Variants in RANBP2 observed in about 807,000 individuals in gnomAD.
RANBP2 encodes RAN binding protein 2, also known as E3 SUMO-protein ligase RanBP2.
RANBP2 carries 57 observed loss-of-function variants against 303.6 expected under a neutral mutation model. That is an observed-to-expected ratio of 0.19 (90% CI 0.15 to 0.23). The LOEUF is 0.23. Ranked by LOEUF, RANBP2 falls within the 10% of genes least tolerant of loss-of-function variation. RANBP2 has a pLI of 1.00. For synonymous variants in RANBP2, 1,167 were observed against 1,301.5 expected, an observed-to-expected ratio of 0.90 and a Z score of 2.23; for missense variants, 3,138 against 3,780.8, an observed-to-expected ratio of 0.83 and a Z score of 4.46.
chr2:108,904,161 T>C, the RANBP2 span, among the ~76,000 whole-genome samples: 1 of 151,784 alleles, frequency 6.6e-6, no homozygotes, highest in East Asian at 1.9e-4. Context: ...GCAAAAGACA[T>C]GAAGAAACAT....
chr2:109,000,489 C>T, the RANBP2 span, among the ~76,000 whole-genome samples: 1 of 152,050 alleles, frequency 6.6e-6, no homozygotes, highest in African/African-American at 2.4e-5. Context: ...GCTATGGTCA[C>T]GCCACTGCAC....
the RANBP2 span, among the ~76,000 whole-genome samples, chr2:109,055,759 A>AT: frequency 0.02 from 2,151 of 105,196 alleles, 47 homozygotes; most frequent in South Asian, 0.044. Flanking sequence ...CAGCTCTAAC[A>AT]TTTTTTTTTT....
chr2:109,300,718 T>G, the RANBP2 span, among the ~76,000 whole-genome samples: 1 of 152,190 alleles, frequency 6.6e-6, no homozygotes, highest in African/African-American at 2.4e-5. Context: ...AACATCAGAC[T>G]GAGCACACTC....
the RANBP2 span, among the ~76,000 whole-genome samples, chr2:108,831,585 A>G: frequency 1.3e-5 from 2 of 152,176 alleles, no homozygotes; most frequent in Admixed American, 1.3e-4. Flanking sequence ...TATCTAAGAG[A>G]AACTTGACTT....
chr2:109,230,114 G>A, the RANBP2 span, among the ~76,000 whole-genome samples: 179 of 152,008 alleles, frequency 1.2e-3, no homozygotes, highest in African/African-American at 4.0e-3. Flanking sequence ...GCGAGCCACC[G>A]CACCTGGCCG....
intron 5 of RANBP2, 139 bp from the exon 6 acceptor site, chr2:108,735,965 T>C: frequency 1.3e-6 from 2 of 1,569,508 alleles, no homozygotes; most frequent in Non-Finnish European, 8.6e-7. Context: ...ATATTTTTGG[T>C]GTTTTATAAG....
At chr2:109,458,690 G>A in the RANBP2 span, among the ~76,000 whole-genome samples, 1 of 152,210 alleles carries the variant, frequency 6.6e-6, no homozygotes, top group African/African-American at 2.4e-5. Context: ...CCTCAGTCAG[G>A]AGTTGCTGTG....
chr2:109,304,565 G>A, the RANBP2 span, among the ~76,000 whole-genome samples: 2 of 152,168 alleles, frequency 1.3e-5, no homozygotes, highest in Non-Finnish European at 2.9e-5. Context: ...GGTTAACTCC[G>A]CTGCACCCGT....
intron 6 of RANBP2, among the ~76,000 whole-genome samples, chr2:108,737,335 C>CTTTTTTTTT (rs201427498): frequency 2.4e-4 from 28 of 117,058 alleles, no homozygotes; most frequent in African/African-American, 6.6e-4. Context: ...TTCTTTCTTT[C>CTTTTTTTTT]TTTTTTTTTT....
At chr2:109,600,137 G>C in the RANBP2 span, among the ~76,000 whole-genome samples, 1 of 152,020 alleles carries the variant, frequency 6.6e-6, no homozygotes, top group Non-Finnish European at 1.5e-5. Flanking sequence ...TGTCAGGGCT[G>C]CCTGGCCCAG....
chr2:108,880,231 A>C, the RANBP2 span, among the ~76,000 whole-genome samples: 8 of 152,120 alleles, frequency 5.3e-5, no homozygotes, highest in East Asian at 9.6e-4. Context: ...AAACAAAAAA[A>C]AAAACGAGAG....
the RANBP2 span, among the ~76,000 whole-genome samples, chr2:109,088,912 A>G: frequency 3.3e-5 from 5 of 152,240 alleles, no homozygotes. Context: ...ATTATAATAA[A>G]AGGGAGGGAG....
chr2:109,697,736 T>C, the RANBP2 span, among the ~76,000 whole-genome samples: 2 of 152,198 alleles, frequency 1.3e-5, no homozygotes, highest in African/African-American at 4.8e-5. Flanking sequence ...TTTTGCTTTA[T>C]TGTACTAGGT....
chr2:108,971,715 T>A, the RANBP2 span, among the ~76,000 whole-genome samples: 1 of 151,618 alleles, frequency 6.6e-6, no homozygotes, highest in Admixed American at 6.6e-5. Flanking sequence ...TAAAGAGGAG[T>A]TGGCATTAGA....
At chr2:109,614,888 G>T in the RANBP2 span, 2 of 1,426,418 alleles carry the variant, frequency 1.4e-6, no homozygotes, top group South Asian at 1.5e-5. Context: ...AGGGCCGCGA[G>T]CTGGGCGAGG....
chr2:109,291,895 C>T, the RANBP2 span, among the ~76,000 whole-genome samples: 53 of 152,214 alleles, frequency 3.5e-4, no homozygotes, highest in Non-Finnish European at 6.8e-4. Flanking sequence ...GATGGAGTCT[C>T]GCTCTGTTGC....
At chr2:109,344,487 C>T in the RANBP2 span, among the ~76,000 whole-genome samples, 12 of 152,324 alleles carry the variant, frequency 7.9e-5, no homozygotes, top group African/African-American at 2.4e-4. Flanking sequence ...TAGGGGACCT[C>T]GGCTGCCGTG....
the RANBP2 span, among the ~76,000 whole-genome samples, chr2:109,269,649 C>T: frequency 1.3e-5 from 2 of 152,146 alleles, no homozygotes; most frequent in Non-Finnish European, 2.9e-5. Context: ...GACATGGTGG[C>T]GTGTGCCTAG....
chr2:109,216,857 A>C, the RANBP2 span, among the ~76,000 whole-genome samples: 3 of 152,152 alleles, frequency 2.0e-5, no homozygotes, highest in African/African-American at 7.2e-5. Flanking sequence ...GCACATTCTC[A>C]TTGTTGTGAA....
Sources: allele counts gnomAD v4.1 joint callset (sites outside exome capture counted in the v4.1 genomes callset), GRCh38; gene constraint gnomAD v4.1.1; transcripts MANE v1.5; gene names NCBI Gene and HGNC (gene_info 2026-07-23, HGNC 2026-07-21).